LMBR1: variants seen among roughly 807,000 people sequenced by gnomAD.
The protein encoded by LMBR1 is limb development membrane protein 1.
A neutral mutation model predicts 73.9 loss-of-function variants in LMBR1; 52 were observed. The ratio of observed to expected loss-of-function variants is 0.70; its 90% CI spans 0.56 to 0.89. LMBR1 has a LOEUF of 0.89. LMBR1 is among the 40% of genes least tolerant of loss of function. The probability of loss-of-function intolerance (pLI) is 0.00; values close to 1 mark genes in which losing one functional copy is unlikely to be tolerated. For synonymous variants in LMBR1, 215 were observed against 209.4 expected (o/e 1.03, Z -0.23); for missense variants, 539 against 579.8 (o/e 0.93, Z 0.72).
intron 1 of LMBR1, among the ~76,000 whole-genome samples, chr7:156,876,588 A>G (rs1800213632): frequency 6.6e-6 from 1 of 152,224 alleles, no homozygotes; most frequent in South Asian, 2.1e-4. Flanking sequence ...AAGTCTTAAT[A>G]AATTTAAGAA....
rs891093558 is a variant in LMBR1, at chr7:156,874,326, C to T, written c.66+18602G>A. ...GGGGCCCACCAAGCCCACGCCCACC[C>T]GGAACTCCAGCTGGCCCGCAAGCGC... On this transcript the variant is annotated intron_variant, in intron 1 of 16. Transcript: ENST00000353442. 2.0e-5 allele frequency among the ~76,000 whole-genome samples: 3 copies of T among 152,236 alleles called. No individual in the cohort carries two copies. The South Asian group carries it at 6.2e-4, about 31-fold the overall frequency.
At chr7:156,856,664 C>T (rs868016588) in intron 1 of LMBR1, among the ~76,000 whole-genome samples, 2 of 151,672 alleles carry the variant, frequency 1.3e-5, no homozygotes, top group South Asian at 2.1e-4. Flanking sequence ...AGAGGTCACA[C>T]CACTGCACTC....
At chr7:156,874,427 G>A (rs1039650850) in intron 1 of LMBR1, among the ~76,000 whole-genome samples, 6 of 152,172 alleles carry the variant, frequency 3.9e-5, no homozygotes, top group African/African-American at 1.2e-4. Flanking sequence ...CTCCAGCCTC[G>A]GCCCACCCAG....
At chr7:156,746,063 T>C (rs1046421379) in intron 9 of LMBR1, among the ~76,000 whole-genome samples, 1 of 152,186 alleles carries the variant, frequency 6.6e-6, no homozygotes, top group African/African-American at 2.4e-5. Context: ...AGTATTTCCA[T>C]ATAATGTGAT....
chr7:156,697,553 CT>C (rs1808588988), intron 15 of LMBR1, among the ~76,000 whole-genome samples: 1 of 152,096 alleles, frequency 6.6e-6, no homozygotes, highest in East Asian at 1.9e-4. Flanking sequence ...GGAATGCATT[CT>C]TTTCCCAAGG....
Position 156,698,623 on chromosome 7 carries a change from C to A in LMBR1, c.1226-10432G>T, listed in dbSNP as rs1426327859. ...CTCTGAAGCAACAGCCCAAGCTGTA[C>A]CCTGGCCCTTTAGTCACGGCTGGAG... On this transcript the variant is annotated intron_variant, in intron 15 of 16. Transcript: ENST00000353442. Among the ~76,000 whole-genome samples the A allele has an allele frequency of 3.9e-5, 6 of 152,304 alleles. No homozygotes were observed. The South Asian group carries it at 1.2e-3, about 32-fold the overall frequency.
chr7:156,720,381 T>C (rs1250863717), intron 15 of LMBR1, among the ~76,000 whole-genome samples: 1 of 152,174 alleles, frequency 6.6e-6, no homozygotes, highest in Non-Finnish European at 1.5e-5. Context: ...GTGACTAAAT[T>C]TAGGTATGTG....
chr7:156,755,568 TTATAA>T (rs1161954625), intron 9 of LMBR1, among the ~76,000 whole-genome samples: 1 of 152,230 alleles, frequency 6.6e-6, no homozygotes, highest in Non-Finnish European at 1.5e-5. Flanking sequence ...GACAAATTTA[TTATAA>T]TATTTACTGC....
intron 1 of LMBR1, among the ~76,000 whole-genome samples, chr7:156,842,601 G>C (rs993713813): frequency 6.6e-6 from 1 of 152,110 alleles, no homozygotes; most frequent in African/African-American, 2.4e-5. Context: ...AAGGGGAACT[G>C]GGTTTTTGAC....
chr7:156,724,912 T>C (rs1257795248), intron 14 of LMBR1, among the ~76,000 whole-genome samples: 2 of 152,164 alleles, frequency 1.3e-5, no homozygotes, highest in African/African-American at 2.4e-5. Flanking sequence ...GGGAATATTT[T>C]ATAAAGATTC....
intron 5 of LMBR1, among the ~76,000 whole-genome samples, chr7:156,782,134 G>C (rs1257040351): frequency 6.6e-6 from 1 of 152,204 alleles, no homozygotes; most frequent in Non-Finnish European, 1.5e-5. Context: ...CATCCACGTT[G>C]TAGCATGTGT....
At chr7:156,713,886 T>C (rs2132227610) in intron 15 of LMBR1, among the ~76,000 whole-genome samples, 1 of 152,312 alleles carries the variant, frequency 6.6e-6, no homozygotes, top group Non-Finnish European at 1.5e-5. Flanking sequence ...AGAAACTCTA[T>C]ATTTTCTGTA....
chr7:156,741,771 C>T (rs1818939798), intron 9 of LMBR1, among the ~76,000 whole-genome samples: 1 of 152,136 alleles, frequency 6.6e-6, no homozygotes, highest in African/African-American at 2.4e-5. Flanking sequence ...AAACATCAAA[C>T]TTAATCTGTA....
At position 156,777,002 on chromosome 7, in the gene LMBR1, GC is replaced by G. The variant is rs575448847; in HGVS notation, c.424-13208del. Among the ~76,000 whole-genome samples the G allele has an allele frequency of 6.5e-4, 99 of 151,822 alleles. 1 individual carries two copies. In the East Asian group the frequency reaches 0.016, roughly 24 times the overall value. ...GCTGGAGCGCAGTGGCACGATCTCG[GC>G]TCACCGCAAGCTCCGCTTCCTGGGT... On this transcript the variant is annotated intron_variant, in intron 5 of 16. Coordinates refer to ENST00000353442, the MANE Select transcript of LMBR1 (RefSeq NM_022458.4).
chr7:156,748,589 A>C (rs1820263057), intron 9 of LMBR1, among the ~76,000 whole-genome samples: 1 of 152,066 alleles, frequency 6.6e-6, no homozygotes, highest in South Asian at 2.1e-4. Flanking sequence ...CCCAGGTTCA[A>C]GTGATTCTCC....
At chr7:156,819,458 T>C (rs1295399222) in intron 4 of LMBR1, among the ~76,000 whole-genome samples, 1 of 152,202 alleles carries the variant, frequency 6.6e-6, no homozygotes, top group Non-Finnish European at 1.5e-5. Context: ...ATGATATAAT[T>C]ATAATGACTT....
At chr7:156,675,741 A>G, downstream of LMBR1, 1 of 1,613,784 alleles carries the variant, frequency 6.2e-7, no homozygotes, top group South Asian at 1.1e-5. Context: ...CAACACCAAC[A>G]TTGAAGAGCT....
chr7:156,686,226 T>C (rs1457585718), intron 16 of LMBR1, among the ~76,000 whole-genome samples: 1 of 152,214 alleles, frequency 6.6e-6, no homozygotes, highest in African/African-American at 2.4e-5. Flanking sequence ...TCTGAAACGT[T>C]CTGATGTGTC....
At chr7:156,853,234 G>A (rs6953260) in intron 1 of LMBR1, among the ~76,000 whole-genome samples, 2,986 of 152,068 alleles carry the variant, frequency 0.02, 102 homozygotes, top group African/African-American at 0.067. Context: ...CACCGCACCC[G>A]GCCGAATAAT....
Sources: gnomAD v4.1 joint callset for allele counts (sites outside exome capture counted in the v4.1 genomes callset) on GRCh38, gnomAD v4.1.1 for gene constraint, MANE v1.5 for transcripts, NCBI Gene and HGNC (gene_info 2026-07-23, HGNC 2026-07-21) for gene names.